Variants in PBX1 observed in about 807,000 individuals in gnomAD.
PBX1 encodes PBX homeobox 1.
In PBX1, 6 loss-of-function variants were observed where a neutral mutation model predicts 53.4. The observed-to-expected ratio is 0.11, with a 90% CI of 0.06 to 0.22. The LOEUF is 0.22. Ranked by LOEUF, PBX1 falls within the 10% of genes least tolerant of loss-of-function variation. PBX1 has a pLI of 1.00. For synonymous variants in PBX1, 204 were observed against 212.3 expected (o/e 0.96, Z 0.34); for missense variants, 251 against 551.4 (o/e 0.46, Z 5.46).
chr1:164,761,498 G>T (rs1666810472), intron 2 of PBX1, among the ~76,000 whole-genome samples: 1 of 151,662 alleles, frequency 6.6e-6, no homozygotes, highest in African/African-American at 2.4e-5. Flanking sequence ...AGGCTGGAGT[G>T]CAGTGGCGCG....
At chr1:164,650,962 G>GA (rs35284541) in intron 2 of PBX1, among the ~76,000 whole-genome samples, 19,055 of 146,430 alleles carry the variant, frequency 0.13, 1,477 homozygotes, top group African/African-American at 0.22. Context: ...ATGTTGCTCA[G>GA]AAAAAAAAAA....
chr1:164,764,249 CA>C (rs1224545275), intron 2 of PBX1, among the ~76,000 whole-genome samples: 3 of 152,168 alleles, frequency 2.0e-5, no homozygotes, highest in Admixed American at 1.3e-4. Context: ...CATCATACCT[CA>C]GAGGTACTGA....
chr1:164,753,852 C>G (rs1666352359), intron 2 of PBX1, among the ~76,000 whole-genome samples: 1 of 152,142 alleles, frequency 6.6e-6, no homozygotes. Flanking sequence ...GATAAAGGCT[C>G]TCAGTGTTGG....
intron 2 of PBX1, among the ~76,000 whole-genome samples, chr1:164,626,558 CT>C (rs2101867734): frequency 6.6e-6 from 1 of 152,302 alleles, no homozygotes; most frequent in South Asian, 2.1e-4. Context: ...AGAGTTTACA[CT>C]TTGGAAACTC....
At chr1:164,602,387 A>T (rs1479750426) in intron 2 of PBX1, among the ~76,000 whole-genome samples, 1 of 152,180 alleles carries the variant, frequency 6.6e-6, no homozygotes, top group Non-Finnish European at 1.5e-5. Flanking sequence ...TCTGGTCTCT[A>T]CTTAAGCACT....
chr1:164,867,636 A>T (rs1672249060), intron 2 of PBX1, among the ~76,000 whole-genome samples: 1 of 152,212 alleles, frequency 6.6e-6, no homozygotes, highest in African/African-American at 2.4e-5. Flanking sequence ...TTCACGAAAC[A>T]TTTGCAGAAA....
chr1:164,564,835 A>AT (rs1055644986), intron 2 of PBX1, among the ~76,000 whole-genome samples: 15 of 151,382 alleles, frequency 9.9e-5, no homozygotes, highest in African/African-American at 2.7e-4. Context: ...ATTTATATAT[A>AT]TTTTTTTATC....
chr1:164,633,101 G>A (rs11585712), intron 2 of PBX1, among the ~76,000 whole-genome samples: 27,023 of 152,006 alleles, frequency 0.18, 2,734 homozygotes, highest in Non-Finnish European at 0.24. Flanking sequence ...GTCCTTGAAT[G>A]GATGATGTTA....
chr1:164,586,467 G>A (rs1054399884), intron 2 of PBX1, among the ~76,000 whole-genome samples: 6 of 152,148 alleles, frequency 3.9e-5, no homozygotes, highest in Admixed American at 3.9e-4. Flanking sequence ...TTACTGGACT[G>A]TTCTATGTTG....
chr1:164,680,778 C>G (rs1661716505), intron 2 of PBX1: 1 of 152,224 alleles, frequency 6.6e-6, no homozygotes, highest in Non-Finnish European at 1.5e-5. Flanking sequence ...TAGAATAAAT[C>G]TATTGCTCTC....
intron 2 of PBX1, among the ~76,000 whole-genome samples, chr1:164,750,242 T>G (rs1666128224): frequency 6.6e-6 from 1 of 151,710 alleles, no homozygotes; most frequent in African/African-American, 2.4e-5. Context: ...CCTTTCTTAC[T>G]AAAATGCATG....
chr1:164,648,216 G>C (rs969871767), intron 2 of PBX1, among the ~76,000 whole-genome samples: 1 of 152,216 alleles, frequency 6.6e-6, no homozygotes, highest in African/African-American at 2.4e-5. Context: ...GAAAGGCAAA[G>C]AAAGGCTTAT....
At chr1:164,863,368 C>T (rs1298463408) in intron 2 of PBX1, among the ~76,000 whole-genome samples, 2 of 152,134 alleles carry the variant, frequency 1.3e-5, no homozygotes, top group Non-Finnish European at 2.9e-5. Context: ...AGGTATTGTT[C>T]CTCTAATCAA....
intron 2 of PBX1, among the ~76,000 whole-genome samples, chr1:164,776,724 A>G (rs552635795): frequency 8.5e-5 from 13 of 152,320 alleles, no homozygotes; most frequent in Non-Finnish European, 1.9e-4. Context: ...GCCTAACTTG[A>G]GCAATAAAAG....
In PBX1 at chr1:164,851,172, T is replaced by C. The variant is rs1484122639; in HGVS notation, c.*4496T>C. 9.3e-6 allele frequency: 2 copies of C among 215,954 alleles called. No individual in the cohort carries two copies. Among genetic ancestry groups the C allele is most frequent in the African/African-American group, 4.5e-5 (2 of 44,358 alleles). The allele number at this position is 215,954 out of a possible 1,614,324, so 13.4% of individuals were successfully genotyped here. On this transcript the variant is annotated 3_prime_UTR_variant, in exon 9 of 9. Transcript: ENST00000420696. ...ACTTAGGCAGCTGCTTAAAGCAAAT[T>C]GCAAAACTGGCTTGATTTGGAATGT...
chr1:164,623,489 A>G (rs954664272), intron 2 of PBX1, among the ~76,000 whole-genome samples: 1 of 152,242 alleles, frequency 6.6e-6, no homozygotes, highest in Non-Finnish European at 1.5e-5. Flanking sequence ...GCCAGGGTCT[A>G]ATTCCCACAC....
chr1:164,719,409 A>G lies in PBX1; in HGVS notation c.266-73085A>G, dbSNP rs187916817. 5.9e-5 allele frequency among the ~76,000 whole-genome samples: 9 copies of G among 152,342 alleles called. No homozygotes were observed. In the East Asian group the frequency reaches 1.7e-3, roughly 29 times the overall value. On this transcript the variant is annotated intron_variant, in intron 2 of 8. Transcript: ENST00000420696. ...TACAGCCAGAACCTGGACATCAGGA[A>G]GTGGTAGCCATTTTTACTTGTCCTG...
intron 2 of PBX1, among the ~76,000 whole-genome samples, chr1:164,791,446 C>G (rs987732460): frequency 8.5e-5 from 13 of 152,318 alleles, no homozygotes; most frequent in African/African-American, 3.1e-4. Flanking sequence ...CCTTATCACT[C>G]GGAACACATA....
At chr1:164,810,969 T>C (rs1669578843) in intron 5 of PBX1, among the ~76,000 whole-genome samples, 1 of 152,170 alleles carries the variant, frequency 6.6e-6, no homozygotes, top group African/African-American at 2.4e-5. Context: ...TTTAAAAAAT[T>C]AAGTATAGTT....
Sources: allele counts gnomAD v4.1 joint callset (sites outside exome capture counted in the v4.1 genomes callset), GRCh38; gene constraint gnomAD v4.1.1; transcripts MANE v1.5; gene names NCBI Gene and HGNC (gene_info 2026-07-23, HGNC 2026-07-21).